EML4: variants seen among roughly 807,000 people sequenced by gnomAD.
The protein encoded by EML4 is echinoderm microtubule-associated protein-like 4.
In EML4, 72 loss-of-function variants were observed where a neutral mutation model predicts 129.0. The observed-to-expected ratio is 0.56, with a 90% CI of 0.46 to 0.68. The LOEUF (loss-of-function observed/expected upper bound fraction) is 0.68, where lower values mean the gene tolerates loss of function less well. Ranked by LOEUF, EML4 falls within the 30% of genes least tolerant of loss-of-function variation. The pLI, the probability that EML4 is intolerant of heterozygous loss-of-function variation, is 0.00. For synonymous variants in EML4, 532 were observed against 405.0 expected (o/e 1.31, Z -3.77); for missense variants, 1,363 against 1,190.6 (o/e 1.14, Z -2.13).
intron 1 of EML4, among the ~76,000 whole-genome samples, chr2:42,203,322 C>T (rs1672346659): frequency 6.6e-6 from 1 of 152,088 alleles, no homozygotes; most frequent in Non-Finnish European, 1.5e-5. Flanking sequence ...TTTATCTTTC[C>T]ATCTGTGGTA....
chr2:42,297,641 G>A (rs2033834), intron 13 of EML4, among the ~76,000 whole-genome samples: 148,593 of 152,322 alleles, frequency 0.98, 72,493 homozygotes, highest in East Asian at 1. Context: ...CCAGACCAGA[G>A]TAAGTGTCCA....
At chr2:42,288,481 A>T (rs1667437573) in intron 11 of EML4, 159 bp downstream of exon 11, 1 of 431,936 alleles carries the variant, frequency 2.3e-6, no homozygotes, top group African/African-American at 2.0e-5. Flanking sequence ...AATCGTTAAG[A>T]TATTAACACT....
At chr2:42,294,013 TAAG>T (rs1056952932) in intron 11 of EML4, among the ~76,000 whole-genome samples, 7 of 152,242 alleles carry the variant, frequency 4.6e-5, no homozygotes, top group African/African-American at 1.4e-4. Context: ...TAGCTAATAA[TAAG>T]GAGCTTTACA....
intron 6 of EML4, among the ~76,000 whole-genome samples, chr2:42,277,671 C>T (rs1188975531): frequency 6.6e-6 from 1 of 151,288 alleles, no homozygotes; most frequent in Non-Finnish European, 1.5e-5. Flanking sequence ...CAGGTTCAAG[C>T]AATTCTCCTG....
At chr2:42,222,733 C>T (rs560309045) in intron 1 of EML4, among the ~76,000 whole-genome samples, 3 of 152,120 alleles carry the variant, frequency 2.0e-5, no homozygotes, top group Admixed American at 2.0e-4. Context: ...AATATATATC[C>T]ATTGATCATG....
At chr2:42,276,754 A>G (rs952980115) in intron 6 of EML4, among the ~76,000 whole-genome samples, 1 of 152,240 alleles carries the variant, frequency 6.6e-6, no homozygotes, top group African/African-American at 2.4e-5. Flanking sequence ...GCAGTTAACA[A>G]AGCGTGAAGC....
chr2:42,202,403 G>A (rs1278576278), intron 1 of EML4, among the ~76,000 whole-genome samples: 5 of 151,928 alleles, frequency 3.3e-5, no homozygotes, highest in Non-Finnish European at 7.4e-5. Flanking sequence ...CCAGTAGTTC[G>A]AGACTAGCCT....
At chr2:42,325,614 A>ATGCTATGAT (rs1558614963) in intron 20 of EML4, 60 bp downstream of exon 20, 5 of 55,988 alleles carry the variant, frequency 8.9e-5, no homozygotes, top group Admixed American at 2.2e-4. Flanking sequence ...ATATATATAT[A>ATGCTATGAT]TATATATATA....
chr2:42,261,265 A>C lies in EML4; in HGVS notation c.483A>C (p.Pro161=). The change falls in exon 4 of 23, where the codon CCA becomes CCC. Residue 161 remains proline, a synonymous_variant. Transcript: ENST00000318522. ...SQPLQIHRQT[P]ESKNATPTKS... is the part of the protein sequence containing the mutation. ...CTCTCCAAATACACAGACAAACTCC[A>C]GAAAGCAAGAATGCTACTCCCACCA... 1 of 1,613,780 alleles carries C rather than the reference A, an allele frequency of 6.2e-7. No individual in the cohort carries two copies. The highest frequency in any genetic ancestry group is 8.5e-7 in the Non-Finnish European group (1 of 1,179,772).
In EML4 at chr2:42,295,883, A is replaced by G. The variant is rs535885594; in HGVS notation, c.1489+367A>G. ...CATGTGATAAAATGGAAGAGTGGAG[A>G]GAAAAGGAATAAACTCATAGTTCAA... On this transcript the variant is annotated intron_variant, in intron 13 of 22. Coordinates refer to ENST00000318522, the MANE Select transcript of EML4 (RefSeq NM_019063.5). Among the ~76,000 whole-genome samples the G allele has an allele frequency of 6.6e-5, 10 of 152,350 alleles. No homozygotes were observed. In the East Asian group the frequency reaches 1.3e-3, roughly 21 times the overall value.
chr2:42,258,461 C>T (rs1183841046), intron 3 of EML4, among the ~76,000 whole-genome samples: 2 of 151,904 alleles, frequency 1.3e-5, no homozygotes, highest in African/African-American at 2.4e-5. Flanking sequence ...AGTGCAATGG[C>T]GCAATCTCGG....
rs372922570 is a variant in EML4, at chr2:42,288,238, T to C, written c.1134T>C (p.Val378=). Residue 378 remains valine (V), a synonymous_variant, in exon 11 of 23, where the codon GTT becomes GTC. Transcript: ENST00000318522. The part of the protein sequence containing the change: ...CLDFSKADSG[V]HLCIIDDSNE... ...TGACTTTTCTTTAGGATTCAGGTGT[T>C]CATTTATGTATTATTGATGACTCCA... The C allele has an allele frequency of 5.5e-6, 8 of 1,445,048 alleles. No individual in the cohort carries two copies. The highest frequency in any genetic ancestry group is 7.6e-6 in the Non-Finnish European group (8 of 1,048,782). 89.5% of individuals were successfully genotyped at this position (1,445,048 alleles called of 1,614,324 possible). A position where few individuals can be genotyped will look rare whatever the true frequency, so the allele number is the denominator to read the frequency against.
intron 1 of EML4, among the ~76,000 whole-genome samples, chr2:42,233,325 T>TA (rs1558524711): frequency 2.0e-5 from 3 of 151,118 alleles, no homozygotes. Context: ...TTTTTTTTTT[T>TA]AATGGAGTCT....
intron 3 of EML4, among the ~76,000 whole-genome samples, chr2:42,258,398 T>C (rs201451214): frequency 2.4e-5 from 1 of 41,188 alleles, no homozygotes; most frequent in Admixed American, 1.7e-4. Context: ...TTTTTTAAGA[T>C]ATATATATAT....
chr2:42,184,003 A>C (rs1424146139), intron 1 of EML4, among the ~76,000 whole-genome samples: 1 of 152,048 alleles, frequency 6.6e-6, no homozygotes, highest in Admixed American at 6.6e-5. Flanking sequence ...TTTAACACCT[A>C]CTTTGGTACT....
chr2:42,298,990 A>C (rs556241560), intron 13 of EML4, among the ~76,000 whole-genome samples: 1 of 152,342 alleles, frequency 6.6e-6, no homozygotes, highest in African/African-American at 2.4e-5. Context: ...CTCATCTCTC[A>C]GGTGTCCTCC....
intron 13 of EML4, among the ~76,000 whole-genome samples, chr2:42,296,883 T>C (rs2103688556): frequency 6.6e-6 from 1 of 152,352 alleles, no homozygotes; most frequent in African/African-American, 2.4e-5. Context: ...CCGATAAATC[T>C]ATCATAATGT....
chr2:42,176,621 G>A (rs532962018), intron 1 of EML4, among the ~76,000 whole-genome samples: 93 of 152,116 alleles, frequency 6.1e-4, no homozygotes, highest in African/African-American at 2.2e-3. Flanking sequence ...TTCTAAAAAT[G>A]TTTACTTCTT....
chr2:42,307,934 C>A (rs565021741), intron 17 of EML4, among the ~76,000 whole-genome samples: 1 of 152,272 alleles, frequency 6.6e-6, no homozygotes, highest in South Asian at 2.1e-4. Flanking sequence ...GGATTACAGG[C>A]GTGAGCCACC....
Sources: gnomAD v4.1 joint callset for allele counts (sites outside exome capture counted in the v4.1 genomes callset) on GRCh38, gnomAD v4.1.1 for gene constraint, MANE v1.5 for transcripts, NCBI Gene and HGNC (gene_info 2026-07-23, HGNC 2026-07-21) for gene names.